NHERF1: variants seen among roughly 807,000 people sequenced by gnomAD.
NHERF1 encodes Na(+)/H(+) exchange regulatory cofactor NHE-RF1.
the NHERF1 span, among the ~76,000 whole-genome samples, chr17:74,752,192 T>C: frequency 1.2e-4 from 18 of 152,222 alleles, no homozygotes; most frequent in East Asian, 2.7e-3. Context: ...CCCAGCACTT[T>C]GGGAGGCCAA....
chr17:74,768,272 C>T, the NHERF1 span: 11 of 1,522,328 alleles, frequency 7.2e-6, no homozygotes, highest in South Asian at 2.2e-5. Flanking sequence ...AACTGGGTTA[C>T]AGGAAGCCGA....
the NHERF1 span, among the ~76,000 whole-genome samples, chr17:74,754,196 C>T: frequency 6.6e-6 from 1 of 151,698 alleles, no homozygotes; most frequent in Non-Finnish European, 1.5e-5. Context: ...GAAGCTCAGC[C>T]GAGGTCTTGT....
At chr17:74,766,947 G>C in the NHERF1 span, 2 of 1,613,990 alleles carry the variant, frequency 1.2e-6, no homozygotes, top group Non-Finnish European at 1.7e-6. Flanking sequence ...TCCCCTGCCT[G>C]TGCCCTTCAC....
At chr17:74,752,627 G>A in the NHERF1 span, among the ~76,000 whole-genome samples, 1 of 152,052 alleles carries the variant, frequency 6.6e-6, no homozygotes, top group Non-Finnish European at 1.5e-5. Flanking sequence ...CCTAGTAGCT[G>A]GGACTACAGG....
chr17:74,763,150 C>T, the NHERF1 span: 2 of 519,800 alleles, frequency 3.8e-6, no homozygotes, highest in Non-Finnish European at 6.8e-6. Context: ...TTTCGTTGGC[C>T]CTTCCCATGT....
chr17:74,759,382 T>C, the NHERF1 span, among the ~76,000 whole-genome samples: 1 of 152,148 alleles, frequency 6.6e-6, no homozygotes, highest in Non-Finnish European at 1.5e-5. Context: ...TTTGGCACCA[T>C]ATGTCACTAG....
chr17:74,753,571 G>A, the NHERF1 span, among the ~76,000 whole-genome samples: 1 of 152,180 alleles, frequency 6.6e-6, no homozygotes, highest in East Asian at 1.9e-4. Flanking sequence ...CAGTAATTCT[G>A]GAGATGATTC....
the NHERF1 span, among the ~76,000 whole-genome samples, chr17:74,766,026 C>T: frequency 3.9e-5 from 6 of 152,152 alleles, no homozygotes; most frequent in Admixed American, 1.3e-4. Flanking sequence ...AAGCTTCCCA[C>T]GTAGGAGTTC....
chr17:74,758,939 C>G, the NHERF1 span, among the ~76,000 whole-genome samples: 2 of 152,206 alleles, frequency 1.3e-5, no homozygotes, highest in Non-Finnish European at 2.9e-5. This position sits in a 1 kb window ranked among gnomAD's most constrained non-coding sequence, Gnocchi z 4.3. Flanking sequence ...CAGCCTCCAC[C>G]CAGGCTGGGA....
the NHERF1 span, among the ~76,000 whole-genome samples, chr17:74,756,273 CTTT>C: frequency 2.8e-5 from 2 of 72,016 alleles, no homozygotes; most frequent in African/African-American, 5.7e-5. Flanking sequence ...TTCTTTCTTT[CTTT>C]TTTTTTTTTT....
the NHERF1 span, among the ~76,000 whole-genome samples, chr17:74,755,768 G>T: frequency 6.6e-6 from 1 of 152,090 alleles, no homozygotes; most frequent in African/African-American, 2.4e-5. Flanking sequence ...CGAGGCTCCC[G>T]GGCACTCGAG....
At chr17:74,748,951 G>A in the NHERF1 span, 1 of 1,606,248 alleles carries the variant, frequency 6.2e-7, no homozygotes, top group Non-Finnish European at 8.5e-7. This position sits in a 1 kb window ranked among gnomAD's most constrained non-coding sequence, Gnocchi z 4.3. Context: ...AGGGCAAGTT[G>A]GGCCAGTACA....
chr17:74,766,614 A>G, the NHERF1 span, among the ~76,000 whole-genome samples: 8,646 of 151,926 alleles, frequency 0.057, 289 homozygotes, highest in African/African-American at 0.11. Context: ...GTGTGTGCTG[A>G]GTCATCAAAA....
chr17:74,767,130 T>G, the NHERF1 span, among the ~76,000 whole-genome samples: 1 of 152,190 alleles, frequency 6.6e-6, no homozygotes, highest in Admixed American at 6.5e-5. Context: ...GCTATAGAAC[T>G]GCCAGAACCC....
the NHERF1 span, among the ~76,000 whole-genome samples, chr17:74,755,985 G>T: frequency 1.4e-5 from 2 of 143,994 alleles, no homozygotes; most frequent in Admixed American, 1.4e-4. Context: ...GCAGAGTCTC[G>T]CTCTGTTGCC....
At chr17:74,768,453 C>T in the NHERF1 span, 6 of 1,613,828 alleles carry the variant, frequency 3.7e-6, no homozygotes, top group African/African-American at 1.3e-5. Flanking sequence ...TTCCTGCCCC[C>T]ACTTCTCTTT....
At chr17:74,768,373 G>A in the NHERF1 span, 5 of 1,476,234 alleles carry the variant, frequency 3.4e-6, no homozygotes, top group Non-Finnish European at 4.7e-6. Flanking sequence ...GCTTCCCTGG[G>A]CACGGCCCCA....
At chr17:74,748,885 G>A in the NHERF1 span, 4 of 1,597,502 alleles carry the variant, frequency 2.5e-6, no homozygotes, top group Non-Finnish European at 1.7e-6. This position sits in a 1 kb window ranked among gnomAD's most constrained non-coding sequence, Gnocchi z 4.3. Flanking sequence ...CCCTGCCCCG[G>A]CTCTGCTGCC....
At chr17:74,758,133 G>A in the NHERF1 span, among the ~76,000 whole-genome samples, 1 of 152,230 alleles carries the variant, frequency 6.6e-6, no homozygotes, top group Non-Finnish European at 1.5e-5. The surrounding 1 kb of genome is among the most constrained non-coding windows in gnomAD (Gnocchi z 4.3). Flanking sequence ...AGCGGCCCTG[G>A]GCCTGTTCCC....
Sources: allele counts gnomAD v4.1 joint callset (sites outside exome capture counted in the v4.1 genomes callset), GRCh38; gene constraint gnomAD v4.1.1; non-coding constraint Gnocchi (gnomAD v3.1); transcripts MANE v1.5; gene names NCBI Gene and HGNC (gene_info 2026-07-23, HGNC 2026-07-21).